Variants in BICD1 observed in about 807,000 individuals in gnomAD.
BICD1 encodes BICD cargo adaptor 1.
A neutral mutation model predicts 92.5 loss-of-function variants in BICD1; 35 were observed. That is an observed-to-expected ratio of 0.38 (90% CI 0.29 to 0.50). BICD1 has a LOEUF of 0.50. BICD1 is among the 20% of genes least tolerant of loss of function. The pLI is 0.93. For synonymous variants in BICD1, 429 were observed against 465.1 expected (o/e 0.92, Z 1.00); for missense variants, 950 against 1,189.8 (o/e 0.80, Z 2.97).
chr12:32,189,739 C>T (rs1944513381), intron 1 of BICD1, among the ~76,000 whole-genome samples: 1 of 148,796 alleles, frequency 6.7e-6, no homozygotes, highest in Non-Finnish European at 1.5e-5. Flanking sequence ...TGCTCTGTTG[C>T]CCAGGCTGGA....
intron 1 of BICD1, among the ~76,000 whole-genome samples, chr12:32,198,323 C>CATATATATATATGTATAT: frequency 1.1e-5 from 1 of 87,926 alleles, no homozygotes; most frequent in Non-Finnish European, 2.3e-5. Flanking sequence ...GAATAATATG[C>CATATATATATATGTATAT]ATCTATCTAT....
At chr12:32,159,593 C>T (rs1351078903) in intron 1 of BICD1, among the ~76,000 whole-genome samples, 1 of 152,176 alleles carries the variant, frequency 6.6e-6, no homozygotes, top group Admixed American at 6.5e-5. Context: ...AAGGAACGTT[C>T]TGGCGAGAAA....
At chr12:32,220,826 A>G (rs985827397) in intron 2 of BICD1, among the ~76,000 whole-genome samples, 4 of 119,662 alleles carry the variant, frequency 3.3e-5, no homozygotes, top group Non-Finnish European at 6.8e-5. Flanking sequence ...TCACAATAGC[A>G]AAGACTTGGA....
At chr12:32,368,492 T>C (rs1038892181) in intron 9 of BICD1, among the ~76,000 whole-genome samples, 7 of 152,114 alleles carry the variant, frequency 4.6e-5, no homozygotes, top group African/African-American at 1.7e-4. Context: ...GTCAGGAGTT[T>C]GAGACCAGCC....
At chr12:32,301,082 A>G (rs1000595407) in intron 3 of BICD1, among the ~76,000 whole-genome samples, 7 of 152,102 alleles carry the variant, frequency 4.6e-5, no homozygotes, top group African/African-American at 1.7e-4. Flanking sequence ...TTTCATAAGG[A>G]GGTAAAGGCC....
chr12:32,272,873 T>TGGG, intron 2 of BICD1, among the ~76,000 whole-genome samples: 1 of 152,124 alleles, frequency 6.6e-6, no homozygotes, highest in Non-Finnish European at 1.5e-5. Context: ...GATTGGAAAA[T>TGGG]AAGTAATGAC....
At chr12:32,263,413 G>A (rs1000274348) in intron 2 of BICD1, among the ~76,000 whole-genome samples, 1 of 151,850 alleles carries the variant, frequency 6.6e-6, no homozygotes, top group Non-Finnish European at 1.5e-5. Flanking sequence ...CAGGTGTGGT[G>A]GTGGGCACCT....
At chr12:32,315,671 T>C (rs1407373523) in intron 4 of BICD1, among the ~76,000 whole-genome samples, 1 of 152,208 alleles carries the variant, frequency 6.6e-6, no homozygotes, top group East Asian at 1.9e-4. Context: ...AGAGTACAGA[T>C]GGTCCTTGAC....
At chr12:32,341,331 G>A (rs1938358413) in intron 8 of BICD1, among the ~76,000 whole-genome samples, 2 of 151,930 alleles carry the variant, frequency 1.3e-5, no homozygotes, top group South Asian at 2.1e-4. Flanking sequence ...GCCAGGTGTG[G>A]TAGTGGGCAC....
intron 2 of BICD1, among the ~76,000 whole-genome samples, chr12:32,223,890 G>T (rs1406125463): frequency 6.6e-6 from 1 of 152,130 alleles, no homozygotes; most frequent in South Asian, 2.1e-4. Context: ...GGGAATGGCT[G>T]GTCAGTGGAG....
intron 2 of BICD1, among the ~76,000 whole-genome samples, chr12:32,250,197 G>A (rs1336124124): frequency 6.6e-6 from 1 of 152,146 alleles, no homozygotes; most frequent in Non-Finnish European, 1.5e-5. Flanking sequence ...TGGTTGAGAT[G>A]GGCCATTCTG....
intron 1 of BICD1, among the ~76,000 whole-genome samples, chr12:32,120,082 G>A (rs1051220495): frequency 1.3e-5 from 2 of 152,104 alleles, no homozygotes; most frequent in African/African-American, 2.4e-5. Context: ...ACTGTTTAAA[G>A]TGTCTTTTAA....
At chr12:32,346,718 T>C (rs1938647229) in intron 8 of BICD1, among the ~76,000 whole-genome samples, 1 of 142,122 alleles carries the variant, frequency 7.0e-6, no homozygotes, top group African/African-American at 2.5e-5. Flanking sequence ...TCTTATTCAG[T>C]CTTTGAAATT....
chr12:32,351,235 C>G (rs139306057), intron 8 of BICD1, among the ~76,000 whole-genome samples: 2,586 of 151,174 alleles, frequency 0.017, 73 homozygotes, highest in African/African-American at 0.059. Context: ...CCTGTAATCC[C>G]AGCACTTTGG....
At chr12:32,369,556 G>A (rs942769210) in intron 9 of BICD1, among the ~76,000 whole-genome samples, 1 of 152,250 alleles carries the variant, frequency 6.6e-6, no homozygotes, top group East Asian at 1.9e-4. Context: ...AGAGGCGGTT[G>A]TGCAGCCAGC....
At chr12:32,288,223 A>ATTTTTTTTTTTTTTTTTTTTTTTTTTTTT (rs34913740) in intron 2 of BICD1, among the ~76,000 whole-genome samples, 1 of 109,522 alleles carries the variant, frequency 9.1e-6, no homozygotes, top group Non-Finnish European at 1.8e-5. Flanking sequence ...CCAAGTCCTA[A>ATTTTTTTTTTTTTTTTTTTTTTTTTTTTT]TTTTTTTTTT....
At chr12:32,163,294 G>A (rs1193347577) in intron 1 of BICD1, among the ~76,000 whole-genome samples, 2 of 151,956 alleles carry the variant, frequency 1.3e-5, no homozygotes, top group African/African-American at 4.8e-5. Flanking sequence ...TTATGTACTA[G>A]GGTACTGAGG....
chr12:32,380,152 GT>G lies in BICD1; in HGVS notation c.*2526del, dbSNP rs1940130288. On this transcript the variant is annotated 3_prime_UTR_variant, in exon 10 of 10. Transcript: ENST00000652176. Reference sequence around the variant, plus strand: ...TTTCTCATTTTCAGCACAAAATTAAGTGATAGTCCCTAAGCAGTAAGAGAGA... The same window carrying G: ...TTTCTCATTTTCAGCACAAAATTAAGGATAGTCCCTAAGCAGTAAGAGAGA... 6.6e-6 allele frequency: 1 copy of G among 152,198 alleles called. No homozygotes were observed. The highest frequency in any genetic ancestry group is 2.4e-5 in the African/African-American group (1 of 41,458). The allele number at this position is 152,198 out of a possible 1,614,324, so 9.4% of individuals were successfully genotyped here. A position where few individuals can be genotyped will look rare whatever the true frequency, so the allele number is the denominator to read the frequency against.
intron 1 of BICD1, among the ~76,000 whole-genome samples, chr12:32,126,048 CA>C (rs61406736): frequency 0.074 from 3,816 of 51,396 alleles, 31 homozygotes; most frequent in East Asian, 0.099. Context: ...GACTCCATCT[CA>C]AAAAAAAAAA....
Sources: gnomAD v4.1 joint callset for allele counts (sites outside exome capture counted in the v4.1 genomes callset) on GRCh38, gnomAD v4.1.1 for gene constraint, MANE v1.5 for transcripts, NCBI Gene and HGNC (gene_info 2026-07-23, HGNC 2026-07-21) for gene names.